Variants in CCDC102B observed in about 807,000 individuals in gnomAD.
CCDC102B encodes coiled-coil domain-containing protein 102B.
In CCDC102B, 75 loss-of-function variants were observed where a neutral mutation model predicts 57.4. The ratio of observed to expected loss-of-function variants is 1.31; its 90% CI spans 1.08 to 1.58. The LOEUF is 1.58. CCDC102B is among the 40% of genes most tolerant of loss of function. The probability of loss-of-function intolerance (pLI) is 0.00; values close to 1 mark genes in which losing one functional copy is unlikely to be tolerated. For missense variants in CCDC102B, 636 were observed against 582.6 expected (o/e 1.09, Z -0.94); for synonymous variants, 206 against 201.9 (o/e 1.02, Z -0.17).
At chr18:68,837,410 C>T in intron 2 of CCDC102B, 41 bp downstream of exon 2, 1 of 1,556,066 alleles carries the variant, frequency 6.4e-7, no homozygotes, top group South Asian at 1.2e-5. Flanking sequence ...TTCTGAAGGT[C>T]ATATATAGTG....
At chr18:68,829,836 A>G (rs2037070456) in intron 1 of CCDC102B, among the ~76,000 whole-genome samples, 1 of 152,028 alleles carries the variant, frequency 6.6e-6, no homozygotes, top group African/African-American at 2.4e-5. Context: ...GAAACCTTAA[A>G]TGCACAAAAA....
At chr18:68,731,321 C>T (rs1011736746) in intron 2 of CCDC102B, among the ~76,000 whole-genome samples, 1 of 152,048 alleles carries the variant, frequency 6.6e-6, no homozygotes, top group African/African-American at 2.4e-5. Context: ...TTTCTATTTT[C>T]GATGCTGAGA....
chr18:68,857,697 G>A (rs540050759), intron 4 of CCDC102B, among the ~76,000 whole-genome samples: 39 of 151,826 alleles, frequency 2.6e-4, no homozygotes, highest in Non-Finnish European at 2.2e-4. Flanking sequence ...TCATGTACTG[G>A]ATCACATGAA....
chr18:68,986,896 C>A (rs561938264), intron 6 of CCDC102B, among the ~76,000 whole-genome samples: 1 of 152,174 alleles, frequency 6.6e-6, no homozygotes, highest in African/African-American at 2.4e-5. Flanking sequence ...AGGGGAACTA[C>A]AAAACACTGC....
chr18:68,966,803 A>G (rs1449234243), intron 6 of CCDC102B, among the ~76,000 whole-genome samples: 1 of 152,060 alleles, frequency 6.6e-6, no homozygotes, highest in Non-Finnish European at 1.5e-5. Flanking sequence ...CTGCAGATAT[A>G]CTGATGGGCC....
intron 7 of CCDC102B, among the ~76,000 whole-genome samples, chr18:69,022,211 ATATATATATATAAC>A (rs1231515695): frequency 5.4e-5 from 2 of 36,978 alleles, no homozygotes; most frequent in African/African-American, 1.2e-4. Context: ...ATATATATAT[ATATATATATATAAC>A]ACACACACAC....
At chr18:68,789,081 G>A (rs372903124) in intron 2 of CCDC102B, among the ~76,000 whole-genome samples, 62 of 152,024 alleles carry the variant, frequency 4.1e-4, no homozygotes, top group South Asian at 1.7e-3. Flanking sequence ...TTTCTCCTTC[G>A]CTTATGAAGC....
intron 1 of CCDC102B, among the ~76,000 whole-genome samples, chr18:68,800,517 T>TTCTC (rs1238419167): frequency 1.3e-5 from 2 of 152,172 alleles, no homozygotes; most frequent in Non-Finnish European, 2.9e-5. Context: ...ACTTATGCTT[T>TTCTC]TCTCTCTCTT....
chr18:69,016,470 A>G (rs1297342331), intron 7 of CCDC102B, among the ~76,000 whole-genome samples: 1 of 152,182 alleles, frequency 6.6e-6, no homozygotes. Context: ...AATTTTATAC[A>G]TTTTATTAGG....
chr18:68,908,163 A>G (rs2040711740), intron 6 of CCDC102B: 1 of 152,142 alleles, frequency 6.6e-6, no homozygotes, highest in Non-Finnish European at 1.5e-5. Context: ...TTTTCTTAAT[A>G]TTCTATTGGA....
At chr18:69,015,297 G>GCACC (rs2051636024) in intron 7 of CCDC102B, among the ~76,000 whole-genome samples, 2 of 152,232 alleles carry the variant, frequency 1.3e-5, no homozygotes, top group Non-Finnish European at 2.9e-5. Flanking sequence ...CTGACCCAAA[G>GCACC]CACCATTAAC....
At chr18:68,727,492 G>A (rs947163885) in intron 2 of CCDC102B, among the ~76,000 whole-genome samples, 15 of 152,270 alleles carry the variant, frequency 9.9e-5, no homozygotes, top group African/African-American at 3.4e-4. Context: ...TAGAAATTCC[G>A]CCATAACGTG....
At chr18:68,913,318 G>C (rs1281237741) in intron 6 of CCDC102B, among the ~76,000 whole-genome samples, 2 of 150,594 alleles carry the variant, frequency 1.3e-5, no homozygotes, top group African/African-American at 4.9e-5. Flanking sequence ...GTCTGTGTGT[G>C]TGTGTGTGTG....
intron 2 of CCDC102B, among the ~76,000 whole-genome samples, chr18:68,718,489 C>T (rs1350085934): frequency 1.3e-5 from 2 of 152,168 alleles, no homozygotes; most frequent in Non-Finnish European, 2.9e-5. Flanking sequence ...AGTTGGGATA[C>T]AGGTAAACAT....
intron 4 of CCDC102B, among the ~76,000 whole-genome samples, chr18:68,854,673 A>T (rs1293393387): frequency 1.3e-5 from 2 of 152,040 alleles, no homozygotes; most frequent in Non-Finnish European, 2.9e-5. Context: ...TCTTTTTTAA[A>T]TTTTTTATTT....
At chr18:68,756,801 G>A (rs1293937240) in intron 2 of CCDC102B, among the ~76,000 whole-genome samples, 1 of 152,104 alleles carries the variant, frequency 6.6e-6, no homozygotes, top group Non-Finnish European at 1.5e-5. Flanking sequence ...TATTTTCTAG[G>A]CCAAGTTATG....
At chr18:68,738,359 G>A (rs752669782) in intron 2 of CCDC102B, among the ~76,000 whole-genome samples, 37 of 152,268 alleles carry the variant, frequency 2.4e-4, no homozygotes, top group Admixed American at 1.6e-3. Flanking sequence ...AGTGCTTGCT[G>A]AGATATTGCA....
intron 2 of CCDC102B, among the ~76,000 whole-genome samples, chr18:68,743,266 G>T (rs2033476837): frequency 6.6e-6 from 1 of 151,802 alleles, no homozygotes; most frequent in Non-Finnish European, 1.5e-5. Context: ...AAATTAGACA[G>T]GTGTGGGGGC....
At chr18:68,880,643 C>CT (rs1330162911) in intron 5 of CCDC102B, among the ~76,000 whole-genome samples, 2 of 152,202 alleles carry the variant, frequency 1.3e-5, no homozygotes, top group African/African-American at 2.4e-5. Flanking sequence ...TCACTGTCCT[C>CT]TAAACCTTTT....
Sources: gnomAD v4.1 joint callset for allele counts (sites outside exome capture counted in the v4.1 genomes callset) on GRCh38, gnomAD v4.1.1 for gene constraint, MANE v1.5 for transcripts, NCBI Gene and HGNC (gene_info 2026-07-23, HGNC 2026-07-21) for gene names.